Variants in GFOD2 observed in about 807,000 individuals in gnomAD.
GFOD2 encodes Gfo/Idh/MocA-like oxidoreductase domain containing 2, also known as glucose-fructose oxidoreductase domain-containing protein 2.
A neutral mutation model predicts 24.6 loss-of-function variants in GFOD2; 9 were observed. That is an observed-to-expected ratio of 0.37 (90% CI 0.22 to 0.64). The LOEUF (loss-of-function observed/expected upper bound fraction) is 0.64, where lower values mean the gene tolerates loss of function less well. GFOD2 is among the 30% of genes least tolerant of loss of function. The pLI, the probability that GFOD2 is intolerant of heterozygous loss-of-function variation, is 0.65. For synonymous variants in GFOD2, 211 were observed against 224.8 expected, an observed-to-expected ratio of 0.94 and a Z score of 0.55; for missense variants, 476 against 532.5, an observed-to-expected ratio of 0.89 and a Z score of 1.04.
chr16:67,715,700 G>A (rs914625976), intron 1 of GFOD2, among the ~76,000 whole-genome samples: 1 of 152,216 alleles, frequency 6.6e-6, no homozygotes, highest in Middle Eastern at 3.4e-3. Context: ...GAAAGATAAT[G>A]TTCCATTACT....
intron 1 of GFOD2, among the ~76,000 whole-genome samples, chr16:67,696,537 G>A (rs181153978): frequency 7.9e-5 from 12 of 151,934 alleles, no homozygotes; most frequent in East Asian, 1.9e-4. Flanking sequence ...GCAGTGGCGC[G>A]CTCTTGGCTC....
intron 1 of GFOD2, among the ~76,000 whole-genome samples, chr16:67,686,419 T>G (rs1383913895): frequency 6.6e-6 from 1 of 152,252 alleles, no homozygotes; most frequent in Non-Finnish European, 1.5e-5. Context: ...TAACTTTCTG[T>G]GTAACCCTGG....
chr16:67,678,514 C>T (rs1222543979), intron 2 of GFOD2, among the ~76,000 whole-genome samples: 4 of 151,408 alleles, frequency 2.6e-5, no homozygotes. Context: ...AAAGAAATGG[C>T]CGATGTCCCA....
At chr16:67,718,696 C>T (rs982435666) in intron 1 of GFOD2, among the ~76,000 whole-genome samples, 1 of 152,168 alleles carries the variant, frequency 6.6e-6, no homozygotes, top group African/African-American at 2.4e-5. Flanking sequence ...AACTGAACAC[C>T]CGTTTCTTAA....
At chr16:67,697,929 T>A (rs1369879139) in intron 1 of GFOD2, among the ~76,000 whole-genome samples, 1 of 152,178 alleles carries the variant, frequency 6.6e-6, no homozygotes, top group African/African-American at 2.4e-5. Context: ...AAAGTGTTAA[T>A]CTCAAGAGTT....
At chr16:67,682,283 G>A (rs945487974) in intron 2 of GFOD2, 40 of 884,108 alleles carry the variant, frequency 4.5e-5, no homozygotes, top group East Asian at 1.2e-4. Context: ...TGATCCGCCC[G>A]CCTCGGCCTC....
At chr16:67,710,527 C>G (rs979655460) in intron 1 of GFOD2, among the ~76,000 whole-genome samples, 1 of 152,044 alleles carries the variant, frequency 6.6e-6, no homozygotes, top group East Asian at 1.9e-4. Flanking sequence ...CCATGCCCGG[C>G]TAATTTTTTG....
chr16:67,715,171 G>A (rs1023304491), intron 1 of GFOD2, among the ~76,000 whole-genome samples: 50 of 151,724 alleles, frequency 3.3e-4, no homozygotes, highest in Admixed American at 1.8e-3. Flanking sequence ...CAATTCTCCC[G>A]CCTCAGCCTC....
chr16:67,689,532 G>A (rs540099964), intron 1 of GFOD2, among the ~76,000 whole-genome samples: 10 of 151,906 alleles, frequency 6.6e-5, no homozygotes, highest in South Asian at 4.2e-4. Context: ...TTAGCCGGGC[G>A]TGGTGGCATG....
At chr16:67,681,068 T>C in intron 2 of GFOD2, 1 of 985,488 alleles carries the variant, frequency 1.0e-6, no homozygotes, top group Non-Finnish European at 1.2e-6. Flanking sequence ...TCCACACTTG[T>C]GGGCCTTCCA....
At chr16:67,689,094 C>A (rs2053292097) in intron 1 of GFOD2, among the ~76,000 whole-genome samples, 1 of 149,732 alleles carries the variant, frequency 6.7e-6, no homozygotes. Flanking sequence ...GGCTGGAGTG[C>A]AGTGGCGCAA....
At chr16:67,702,487 T>G (rs887514844) in intron 1 of GFOD2, among the ~76,000 whole-genome samples, 2 of 151,568 alleles carry the variant, frequency 1.3e-5, no homozygotes, top group African/African-American at 4.8e-5. Context: ...AAAAAAAATT[T>G]ACAATTTGGC....
chr16:67,712,294 TCC>T (rs2053480125), intron 1 of GFOD2, among the ~76,000 whole-genome samples: 1 of 50,726 alleles, frequency 2.0e-5, no homozygotes, highest in African/African-American at 7.3e-5. Flanking sequence ...CCCCTCCCCC[TCC>T]CCCTCTCCCT....
chr16:67,704,619 T>C (rs1420034482), intron 1 of GFOD2, among the ~76,000 whole-genome samples: 1 of 152,170 alleles, frequency 6.6e-6, no homozygotes, highest in Admixed American at 6.5e-5. Flanking sequence ...AGGTTACTAA[T>C]AATCCAGCAA....
chr16:67,702,887 TGCGCCCGGCCAGTAGCCA>T (rs1202100951), intron 1 of GFOD2, among the ~76,000 whole-genome samples: 8 of 151,870 alleles, frequency 5.3e-5, no homozygotes, highest in African/African-American at 1.9e-4. Flanking sequence ...AGTAAGACAC[TGCGCCCGGCCAGTAGCCA>T]GGATTACAGT....
At chr16:67,712,270 TCCCTCTCCCCCTCCCCCTCCCCCTCC>T (rs1342382399) in intron 1 of GFOD2, among the ~76,000 whole-genome samples, 1 of 124,970 alleles carries the variant, frequency 8.0e-6, no homozygotes, top group Non-Finnish European at 1.7e-5. Flanking sequence ...CCTCTCCCTC[TCCCTCTCCCCCTCCCCCTCCCCCTCC>T]CCCTCTCCCT....
At chr16:67,695,403 C>T (rs1261210524) in intron 1 of GFOD2, among the ~76,000 whole-genome samples, 1 of 151,644 alleles carries the variant, frequency 6.6e-6, no homozygotes, top group Non-Finnish European at 1.5e-5. Context: ...TTTTCATGTC[C>T]TGGACTCCCT....
intron 1 of GFOD2, among the ~76,000 whole-genome samples, chr16:67,711,040 G>C (rs1299362591): frequency 2.0e-5 from 3 of 152,142 alleles, no homozygotes; most frequent in Admixed American, 2.0e-4. Flanking sequence ...CCCTTCCCCA[G>C]AGCAGTAACC....
At chr16:67,686,118 A>G (rs1304043649) in intron 1 of GFOD2, among the ~76,000 whole-genome samples, 1 of 152,068 alleles carries the variant, frequency 6.6e-6, no homozygotes, top group Non-Finnish European at 1.5e-5. Flanking sequence ...ATTAAAAAAT[A>G]TATATATTAA....
Sources: allele counts gnomAD v4.1 joint callset (sites outside exome capture counted in the v4.1 genomes callset), GRCh38; gene constraint gnomAD v4.1.1; transcripts MANE v1.5; gene names NCBI Gene and HGNC (gene_info 2026-07-23, HGNC 2026-07-21).